LOXL1: variants seen among roughly 807,000 people sequenced by gnomAD.
The protein encoded by LOXL1 is lysyl oxidase homolog 1.
LOXL1 carries 31 observed loss-of-function variants against 62.2 expected under a neutral mutation model. The ratio of observed to expected loss-of-function variants is 0.50; its 90% CI spans 0.37 to 0.67. The LOEUF (loss-of-function observed/expected upper bound fraction) is 0.67. Among genes scored for constraint, LOXL1 ranks in the 30% least tolerant of loss-of-function variants. The pLI is 0.00. For missense variants in LOXL1, 775 were observed against 843.4 expected, an observed-to-expected ratio of 0.92 and a Z score of 1.00; for synonymous variants, 403 against 384.4, an observed-to-expected ratio of 1.05 and a Z score of -0.56.
chr15:73,932,851 A>G (rs1409551433), intron 1 of LOXL1, among the ~76,000 whole-genome samples: 2 of 152,180 alleles, frequency 1.3e-5, no homozygotes, highest in African/African-American at 4.8e-5. Flanking sequence ...AAAGAAAAAG[A>G]GTCTTCAGGC....
intron 1 of LOXL1, among the ~76,000 whole-genome samples, chr15:73,929,085 T>C (rs1202694529): frequency 3.9e-5 from 6 of 152,242 alleles, no homozygotes; most frequent in African/African-American, 1.2e-4. Context: ...TGACAAGGGC[T>C]GACTGGTGGG....
chr15:73,951,825 C>A lies in LOXL1; in HGVS notation c.1719-6C>A. 6.4e-7 allele frequency: 1 copy of A among 1,550,470 alleles called. No homozygotes were observed. The highest frequency in any genetic ancestry group is 8.7e-7 in the Non-Finnish European group (1 of 1,144,634). On this transcript the variant is annotated splice_polypyrimidine_tract_variant and splice_region_variant and intron_variant, in intron 6 of 6. Transcript: ENST00000261921. ...CCTCATTGACCCACTGTCTTTCCTTCCTCAGATCCTGATCTCCGGGAGGGA... is the reference window on the plus strand; with the variant it reads ...CCTCATTGACCCACTGTCTTTCCTTACTCAGATCCTGATCTCCGGGAGGGA...
chr15:73,942,650 G>C (rs999938893), intron 1 of LOXL1, among the ~76,000 whole-genome samples: 2 of 152,076 alleles, frequency 1.3e-5, no homozygotes, highest in African/African-American at 2.4e-5. Flanking sequence ...CGCAGAGCTC[G>C]AGATGTAAGC....
At chr15:73,943,962 A>G (rs2068731707) in intron 2 of LOXL1, among the ~76,000 whole-genome samples, 1 of 152,034 alleles carries the variant, frequency 6.6e-6, no homozygotes, top group Admixed American at 6.5e-5. Flanking sequence ...AACTCAACTC[A>G]CTCCTTCATT....
chr15:73,951,457 C>T (rs571011666), intron 6 of LOXL1, among the ~76,000 whole-genome samples: 7 of 151,658 alleles, frequency 4.6e-5, no homozygotes, highest in African/African-American at 4.8e-5. Flanking sequence ...AGAAAGGCCA[C>T]GGGACTGACG....
At chr15:73,943,704 ATTAG>A (rs1256638638) in intron 2 of LOXL1, among the ~76,000 whole-genome samples, 1 of 152,200 alleles carries the variant, frequency 6.6e-6, no homozygotes, top group Non-Finnish European at 1.5e-5. Context: ...GGCCAAAATA[ATTAG>A]TTAAGATTAT....
At chr15:73,941,509 G>A (rs911659764) in intron 1 of LOXL1, among the ~76,000 whole-genome samples, 7 of 152,180 alleles carry the variant, frequency 4.6e-5, no homozygotes, top group Non-Finnish European at 1.0e-4. Flanking sequence ...CAGCAGGAAA[G>A]GGGTGGGAAA....
In LOXL1 at chr15:73,927,254, G is replaced by A. The variant is rs1276102065; in HGVS notation, c.471G>A (p.Ser157=). 2 of 1,600,586 alleles carry A rather than the reference G, an allele frequency of 1.2e-6. No individual in the cohort carries two copies. Among genetic ancestry groups the A allele is most frequent in the East Asian group, 2.3e-5 (1 of 44,308 alleles). Residue 157 remains serine (S), a synonymous_variant, in exon 1 of 7, where the codon TCG becomes TCA. Transcript: ENST00000261921. The stretch of plus-strand genomic sequence containing the variant: ...AACGGCACGGGGGCTCCGCCTCCTC[G>A]GTCTCGGCTTCGGCCTTCGCCAGCA... ...SQQRHGGSAS[S]VSASAFASTY... is the part of the protein sequence containing the mutation.
chr15:73,951,782 G>A, intron 6 of LOXL1, 49 bp from the exon 7 acceptor site: 2 of 1,498,808 alleles, frequency 1.3e-6, no homozygotes. Flanking sequence ...GGAGGCCACG[G>A]GGGCCTACTT....
At position 73,947,961 on chromosome 15, in the gene LOXL1, C is replaced by T. The variant is rs949040169; in HGVS notation, c.1602+59C>T. 2.6e-5 allele frequency: 35 copies of T among 1,329,984 alleles called. 1 individual carries two copies. Among genetic ancestry groups the T allele is most frequent in the Admixed American group, 1.8e-4 (10 of 54,528 alleles). The allele number at this position is 1,329,984 out of a possible 1,614,324, so 82.4% of individuals were successfully genotyped here. The stretch of plus-strand genomic sequence containing the variant: ...CTGATGTTCATGTCCAATGTCCCCC[C>T]GTTCCTGAAAGAAGCTTCAGCCTCT... On this transcript the variant is annotated intron_variant, in intron 5 of 6. Coordinates refer to ENST00000261921, the MANE Select transcript of LOXL1 (RefSeq NM_005576.4).
chr15:73,948,839 C>T (rs1337008371), intron 5 of LOXL1, among the ~76,000 whole-genome samples: 1 of 152,258 alleles, frequency 6.6e-6, no homozygotes, highest in African/African-American at 2.4e-5. Flanking sequence ...AGTTCACAGT[C>T]CCTGCCCTTT....
intron 1 of LOXL1, 140 bp downstream of exon 1, chr15:73,928,025 T>G: frequency 2.8e-5 from 20 of 716,594 alleles, no homozygotes; most frequent in East Asian, 3.5e-5. Flanking sequence ...CCCTCCCGAC[T>G]TCCCCCGACC....
At chr15:73,927,959 C>A in intron 1 of LOXL1, 74 bp downstream of exon 1, 1 of 1,253,812 alleles carries the variant, frequency 8.0e-7, no homozygotes, top group Non-Finnish European at 1.0e-6. Context: ...CCCCCCGGGC[C>A]CCTCCTTAGA....
chr15:73,947,619 A>G (rs1325106987), intron 4 of LOXL1, 188 bp from the exon 5 acceptor site: 3 of 527,154 alleles, frequency 5.7e-6, no homozygotes, highest in Non-Finnish European at 1.0e-5. Flanking sequence ...GCTATTAGAT[A>G]TCTGTCTTTC....
chr15:73,950,119 C>A (rs534643006), intron 6 of LOXL1, among the ~76,000 whole-genome samples: 2 of 152,118 alleles, frequency 1.3e-5, no homozygotes, highest in Admixed American at 1.3e-4. Context: ...CCCTAGGCCC[C>A]CATTGTAGAA....
intron 1 of LOXL1, among the ~76,000 whole-genome samples, chr15:73,934,986 G>A (rs1350938222): frequency 6.6e-6 from 1 of 152,236 alleles, no homozygotes; most frequent in African/African-American, 2.4e-5. Context: ...GGGGTTTTCA[G>A]GTGTGCTCCA....
intron 1 of LOXL1, among the ~76,000 whole-genome samples, chr15:73,929,427 A>G (rs2068620210): frequency 6.6e-6 from 1 of 152,206 alleles, no homozygotes; most frequent in South Asian, 2.1e-4. Context: ...AGCTGACCTC[A>G]GTGAGGGGCT....
At chr15:73,937,832 A>G (rs966814681) in intron 1 of LOXL1, among the ~76,000 whole-genome samples, 1 of 151,968 alleles carries the variant, frequency 6.6e-6, no homozygotes, top group African/African-American at 2.4e-5. Context: ...GCCCCAGCCT[A>G]CCCCCACCAG....
intron 1 of LOXL1, among the ~76,000 whole-genome samples, chr15:73,936,655 G>T (rs1224708444): frequency 6.6e-6 from 1 of 152,208 alleles, no homozygotes; most frequent in Non-Finnish European, 1.5e-5. Context: ...CCAGAGACAA[G>T]GTTTACTGAA....
Sources: allele counts gnomAD v4.1 joint callset (sites outside exome capture counted in the v4.1 genomes callset), GRCh38; gene constraint gnomAD v4.1.1; transcripts MANE v1.5; gene names NCBI Gene and HGNC (gene_info 2026-07-23, HGNC 2026-07-21).